KCTD5: variants seen among roughly 807,000 people sequenced by gnomAD.
The protein encoded by KCTD5 is potassium channel tetramerization domain containing 5.
Under a neutral mutation model 27.9 loss-of-function variants are expected in KCTD5, and 12 were observed. The ratio of observed to expected loss-of-function variants is 0.43; its 90% CI spans 0.28 to 0.70. KCTD5 has a LOEUF of 0.70. KCTD5 is among the 30% of genes least tolerant of loss of function. KCTD5 has a pLI of 0.19. For missense variants in KCTD5, 226 were observed against 274.8 expected, an observed-to-expected ratio of 0.82 and a Z score of 1.26; for synonymous variants, 147 against 121.4, an observed-to-expected ratio of 1.21 and a Z score of -1.39.
In KCTD5 at chr16:2,702,488, G is replaced by A. The variant is rs1035555839; in HGVS notation, c.675+10G>A. 1.2e-6 allele frequency: 2 copies of A among 1,612,318 alleles called. No homozygotes were observed. Among genetic ancestry groups the A allele is most frequent in the Non-Finnish European group, 1.7e-6 (2 of 1,179,646 alleles). ...CAGCGAGAAGGCCAAGGTGAGTGCT[G>A]GGCCGGCCCTGGCCTGGGGCAGTCT... On this transcript the variant is annotated intron_variant, in intron 5 of 5. Coordinates refer to ENST00000301738, the MANE Select transcript of KCTD5 (RefSeq NM_018992.4).
chr16:2,699,793 C>T, intron 3 of KCTD5, 28 bp from the exon 4 acceptor site: 2 of 1,607,980 alleles, frequency 1.2e-6, no homozygotes, highest in Admixed American at 3.3e-5. Context: ...GGGTGGCCCG[C>T]CCTTACCTGT....
chr16:2,688,471 G>A lies in KCTD5; in HGVS notation c.252+5671G>A, dbSNP rs149315554. Among the ~76,000 whole-genome samples, 415 of 152,070 alleles carry A rather than the reference G, an allele frequency of 2.7e-3. 15 individuals carry two copies. The East Asian group carries it at 0.07, about 26-fold the overall frequency. ...TTGCCATGTTGGCCAGGCTGGTCTC[G>A]AACTCCTGACCTCAGGTCATCCGCC... On this transcript the variant is annotated intron_variant, in intron 1 of 5. Coordinates refer to ENST00000301738, the MANE Select transcript of KCTD5 (RefSeq NM_018992.4).
At chr16:2,704,717 G>A (rs541059907) in intron 5 of KCTD5, among the ~76,000 whole-genome samples, 38 of 152,290 alleles carry the variant, frequency 2.5e-4, no homozygotes, top group Non-Finnish European at 4.6e-4. Context: ...TGCATCCACC[G>A]CCTGCCCCCG....
At chr16:2,706,719 A>G (rs2067638032) in intron 5 of KCTD5, among the ~76,000 whole-genome samples, 1 of 151,704 alleles carries the variant, frequency 6.6e-6, no homozygotes, top group African/African-American at 2.4e-5. Context: ...GACGTGGTAC[A>G]GATGAGGAGG....
chr16:2,691,485 C>G (rs1298249594), intron 1 of KCTD5, among the ~76,000 whole-genome samples: 1 of 152,216 alleles, frequency 6.6e-6, no homozygotes, highest in Non-Finnish European at 1.5e-5. Flanking sequence ...ACGCAGGGCT[C>G]TGCAGTGTCA....
At position 2,706,080 on chromosome 16, in the gene KCTD5, C is replaced by T. The variant is rs571000564; in HGVS notation, c.676-1218C>T. 1.5e-4 allele frequency among the ~76,000 whole-genome samples: 23 copies of T among 152,334 alleles called. 1 individual carries two copies. In the South Asian group the frequency reaches 2.3e-3, roughly 15 times the overall value. On this transcript the variant is annotated intron_variant, in intron 5 of 5. Coordinates refer to ENST00000301738, the MANE Select transcript of KCTD5 (RefSeq NM_018992.4). ...GCCCAGGGAGGGACGTGCTGCCCCT[C>T]GCACAGGGGGATGGGCTCCTCCGAG...
At chr16:2,691,289 C>T (rs1344446830) in intron 1 of KCTD5, among the ~76,000 whole-genome samples, 1 of 152,248 alleles carries the variant, frequency 6.6e-6, no homozygotes, top group African/African-American at 2.4e-5. Flanking sequence ...TGACCTTCCG[C>T]TCTGCCCAGA....
At position 2,697,932 on chromosome 16, in the gene KCTD5, A is replaced by G. The variant is rs2067593548; in HGVS notation, c.388A>G (p.Asn130Asp). 6.2e-7 allele frequency: 1 copy of G among 1,610,808 alleles called. No homozygotes were observed. The highest frequency in any genetic ancestry group is 8.5e-7 in the Non-Finnish European group (1 of 1,177,158). ...AGTGTTGGAGGAAGCAGAATTTTAC[A>G]ATATCACCTCATTAATAAAACTTGT... Reference protein sequence around the residue: ...EGVLEEAEFYNITSLIKLVKD... With the variant: ...EGVLEEAEFYDITSLIKLVKD... Residue 130 changes from asparagine to aspartate, a missense_variant, in exon 3 of 6, where the codon AAT becomes GAT. By Grantham distance (23) the Asn-to-Asp change is conservative (BLOSUM62 1). Transcript: ENST00000301738.
At chr16:2,699,104 G>A (rs2067599633) in intron 3 of KCTD5, 11 of 455,880 alleles carry the variant, frequency 2.4e-5, no homozygotes, top group South Asian at 1.5e-4. Context: ...ACCACCTTAA[G>A]GTCAGGGACC....
At chr16:2,700,342 T>C (rs1027298378) in intron 4 of KCTD5, among the ~76,000 whole-genome samples, 1 of 152,210 alleles carries the variant, frequency 6.6e-6, no homozygotes, top group African/African-American at 2.4e-5. Context: ...TTCCCGCCCA[T>C]GCTGGAAGGT....
chr16:2,705,954 G>A (rs752880583), intron 5 of KCTD5, among the ~76,000 whole-genome samples: 8 of 152,194 alleles, frequency 5.3e-5, no homozygotes, highest in South Asian at 2.1e-4. Flanking sequence ...TGGCCTGTCC[G>A]CTGCGCTACT....
intron 1 of KCTD5, among the ~76,000 whole-genome samples, chr16:2,690,746 G>A (rs1461412691): frequency 1.3e-5 from 2 of 152,230 alleles, no homozygotes; most frequent in East Asian, 1.9e-4. Context: ...GGCAGGCGCC[G>A]CTGATGGCCT....
In KCTD5 at chr16:2,682,805, G is replaced by C. The variant is rs142154156; in HGVS notation, c.252+5G>C. On this transcript the variant is annotated splice_donor_5th_base_variant and intron_variant, in intron 1 of 5. Coordinates refer to ENST00000301738, the MANE Select transcript of KCTD5 (RefSeq NM_018992.4). ...CCCGACCTGGACTCAGACAAGGTGA[G>C]GGCCTCACGGGCCAGCCCGGAGGGT... 356 of 1,586,318 alleles carry C rather than the reference G, an allele frequency of 2.2e-4. 3 individuals carry two copies. The African/African-American group carries it at 4.6e-3, about 21-fold the overall frequency.
At chr16:2,703,935 T>C (rs2067623559) in intron 5 of KCTD5, among the ~76,000 whole-genome samples, 1 of 152,208 alleles carries the variant, frequency 6.6e-6, no homozygotes, top group Non-Finnish European at 1.5e-5. Context: ...TCTCTTCCTC[T>C]TGGAGCAATC....
At position 2,682,914 on chromosome 16, in the gene KCTD5, G is replaced by T. The variant is rs942469740; in HGVS notation, c.252+114G>T. On this transcript the variant is annotated intron_variant, in intron 1 of 5. Coordinates refer to ENST00000301738, the MANE Select transcript of KCTD5 (RefSeq NM_018992.4). ...AGCGGGAGCGGGCGACTCTCCTCGG[G>T]CTTCGAGCCCCGCGCTCCCTTGTCG... 56 of 1,297,216 alleles carry T rather than the reference G, an allele frequency of 4.3e-5. 1 individual carries two copies. Among genetic ancestry groups the T allele is most frequent in the Middle Eastern group, 4.8e-4 (2 of 4,134 alleles). The allele number at this position is 1,297,216 out of a possible 1,614,324, so 80.4% of individuals were successfully genotyped here. A position where few individuals can be genotyped will look rare whatever the true frequency, so the allele number is the denominator to read the frequency against.
chr16:2,707,195 C>T (rs977765365), intron 5 of KCTD5, 103 bp from the exon 6 acceptor site: 17 of 1,144,198 alleles, frequency 1.5e-5, no homozygotes, highest in African/African-American at 6.2e-5. Context: ...CGGGGCTCCC[C>T]GAGCTAACCC....
intron 2 of KCTD5, 90 bp from the exon 3 acceptor site, chr16:2,697,816 G>A (rs772460426): frequency 2.2e-5 from 20 of 903,060 alleles, no homozygotes; most frequent in Non-Finnish European, 3.4e-5. Context: ...CTCATTGCAG[G>A]GGCAGGGGCA....
intron 4 of KCTD5, among the ~76,000 whole-genome samples, chr16:2,702,098 C>A (rs2067614559): frequency 6.6e-6 from 1 of 152,212 alleles, no homozygotes; most frequent in Non-Finnish European, 1.5e-5. Context: ...CCCTTTTGGC[C>A]CAGCTGGAAG....
chr16:2,691,672 G>A (rs1265041317), intron 1 of KCTD5, among the ~76,000 whole-genome samples: 1 of 152,150 alleles, frequency 6.6e-6, no homozygotes, highest in Admixed American at 6.5e-5. Flanking sequence ...CTGGGGCGGC[G>A]GGGGTGTGGA....
Sources: allele counts gnomAD v4.1 joint callset (sites outside exome capture counted in the v4.1 genomes callset), GRCh38; gene constraint gnomAD v4.1.1; transcripts MANE v1.5; gene names NCBI Gene and HGNC (gene_info 2026-07-23, HGNC 2026-07-21).